ZDHHC14: variants seen among roughly 807,000 people sequenced by gnomAD.
The protein encoded by ZDHHC14 is palmitoyltransferase ZDHHC14.
Under a neutral mutation model 47.7 loss-of-function variants are expected in ZDHHC14, and 16 were observed. The ratio of observed to expected loss-of-function variants is 0.34; its 90% CI spans 0.23 to 0.51. The LOEUF (loss-of-function observed/expected upper bound fraction) is 0.51, where lower values mean the gene tolerates loss of function less well. Among genes scored for constraint, ZDHHC14 ranks in the 20% least tolerant of loss-of-function variants. The probability of loss-of-function intolerance (pLI) is 0.97; values close to 1 mark genes in which losing one functional copy is unlikely to be tolerated. For missense variants in ZDHHC14, 515 were observed against 662.5 expected (o/e 0.78, Z 2.44); for synonymous variants, 293 against 278.9 (o/e 1.05, Z -0.50).
chr6:157,509,553 C>T (rs1446411802), intron 1 of ZDHHC14, among the ~76,000 whole-genome samples: 2 of 152,158 alleles, frequency 1.3e-5, no homozygotes, highest in African/African-American at 2.4e-5. Flanking sequence ...TCACACCTGG[C>T]AGTGTGTCTC....
intron 1 of ZDHHC14, among the ~76,000 whole-genome samples, chr6:157,445,628 T>C (rs370925760): frequency 6.6e-6 from 1 of 152,196 alleles, no homozygotes; most frequent in Non-Finnish European, 1.5e-5. Flanking sequence ...AGAAATTATC[T>C]GGGAAATCTG....
At chr6:157,515,391 T>TG (rs1356273636) in intron 1 of ZDHHC14, among the ~76,000 whole-genome samples, 1 of 152,056 alleles carries the variant, frequency 6.6e-6, no homozygotes, top group Non-Finnish European at 1.5e-5. Flanking sequence ...CCTTCTTTTC[T>TG]GGGCTGATGC....
chr6:157,593,182 G>A (rs754676379), intron 3 of ZDHHC14, 36 bp downstream of exon 3: 9 of 1,582,106 alleles, frequency 5.7e-6, no homozygotes, highest in South Asian at 2.4e-5. Context: ...GCGGGAGCCC[G>A]GGTCCTCCGG....
chr6:157,648,906 C>T (rs756196872), intron 7 of ZDHHC14, among the ~76,000 whole-genome samples: 2 of 152,220 alleles, frequency 1.3e-5, no homozygotes, highest in East Asian at 1.9e-4. Flanking sequence ...ACCTGCAGTG[C>T]GTGTGTGGGT....
chr6:157,421,492 CAAAAAAAA>C (rs147380621), intron 1 of ZDHHC14, among the ~76,000 whole-genome samples: 3 of 56,716 alleles, frequency 5.3e-5, no homozygotes, highest in East Asian at 6.6e-4. Context: ...GACTCCGTCT[CAAAAAAAA>C]AAAAAAAAAA....
chr6:157,529,937 T>A (rs1781304729), intron 1 of ZDHHC14, among the ~76,000 whole-genome samples: 1 of 152,204 alleles, frequency 6.6e-6, no homozygotes, highest in Admixed American at 6.5e-5. Context: ...ATCAGTCAAA[T>A]TAATGAACCT....
Position 157,606,205 on chromosome 6 carries a change from C to G in ZDHHC14, c.565+13059C>G, listed in dbSNP as rs532189656. ...AGAGTCTGGAAGCGGTGGCTCATGC[C>G]TGTAATCCAAGCACTTTGGGAGGCC... On this transcript the variant is annotated intron_variant, in intron 3 of 8. Transcript: ENST00000359775. Among the ~76,000 whole-genome samples the G allele has an allele frequency of 3.3e-5, 5 of 152,304 alleles. No homozygotes were observed. In the East Asian group the frequency reaches 7.7e-4, roughly 24 times the overall value.
intron 8 of ZDHHC14, among the ~76,000 whole-genome samples, chr6:157,662,834 C>T (rs911616367): frequency 6.6e-6 from 1 of 152,162 alleles, no homozygotes; most frequent in African/African-American, 2.4e-5. Flanking sequence ...ATTTTAAGAC[C>T]TGGAAAAAAA....
intron 1 of ZDHHC14, among the ~76,000 whole-genome samples, chr6:157,517,460 C>A (rs189721145): frequency 1.4e-4 from 21 of 152,172 alleles, no homozygotes; most frequent in African/African-American, 4.1e-4. Flanking sequence ...ACAGGTGCTG[C>A]TATCACACCT....
intron 1 of ZDHHC14, among the ~76,000 whole-genome samples, chr6:157,415,704 G>A (rs910194719): frequency 7.2e-5 from 11 of 152,016 alleles, no homozygotes; most frequent in South Asian, 2.1e-4. Flanking sequence ...GTGAAACCCC[G>A]TCTCTACTAA....
intron 8 of ZDHHC14, among the ~76,000 whole-genome samples, chr6:157,659,456 A>T (rs958022384): frequency 6.6e-6 from 1 of 152,242 alleles, no homozygotes; most frequent in Non-Finnish European, 1.5e-5. Flanking sequence ...TTGTCAAAAC[A>T]CGGACAAATG....
chr6:157,531,024 T>C (rs1484175307), intron 1 of ZDHHC14, among the ~76,000 whole-genome samples: 11 of 152,020 alleles, frequency 7.2e-5, no homozygotes, highest in Non-Finnish European at 1.6e-4. Flanking sequence ...GAGAGATCGT[T>C]AGCTCAGAGG....
intron 1 of ZDHHC14, among the ~76,000 whole-genome samples, chr6:157,430,299 A>G (rs897565433): frequency 8.2e-5 from 12 of 145,642 alleles, no homozygotes; most frequent in Non-Finnish European, 1.5e-4. Context: ...CTGGTGACAA[A>G]GCAAGACTGT....
chr6:157,511,378 G>A (rs1049584975), intron 1 of ZDHHC14, among the ~76,000 whole-genome samples: 28 of 134,102 alleles, frequency 2.1e-4, no homozygotes, highest in Non-Finnish European at 4.3e-4. Context: ...GAGAGTGCAT[G>A]AGGAAACTTT....
chr6:157,490,794 G>C (rs1331306701), intron 1 of ZDHHC14, among the ~76,000 whole-genome samples: 2 of 152,196 alleles, frequency 1.3e-5, no homozygotes, highest in Non-Finnish European at 2.9e-5. Flanking sequence ...CAGATCTCAG[G>C]GCAGTAGTGA....
chr6:157,661,300 G>T (rs776740156), intron 8 of ZDHHC14, among the ~76,000 whole-genome samples: 2 of 152,168 alleles, frequency 1.3e-5, no homozygotes. Flanking sequence ...CAGTGGAGAC[G>T]TGAATCTGTT....
chr6:157,640,519 TCCTGAGAGGGA>T (rs1215642475), intron 5 of ZDHHC14, among the ~76,000 whole-genome samples: 3 of 152,184 alleles, frequency 2.0e-5, no homozygotes, highest in Non-Finnish European at 1.5e-5. Context: ...TACCTGCTGA[TCCTGAGAGGGA>T]CCCCAGAAAG....
chr6:157,519,743 C>T (rs541089226), intron 1 of ZDHHC14, among the ~76,000 whole-genome samples: 52 of 152,288 alleles, frequency 3.4e-4, no homozygotes, highest in African/African-American at 1.1e-3. Flanking sequence ...AAGGATTCAT[C>T]GTTTTTTTGT....
intron 3 of ZDHHC14, among the ~76,000 whole-genome samples, chr6:157,606,746 T>C (rs1220479567): frequency 1.3e-5 from 2 of 152,244 alleles, no homozygotes; most frequent in Non-Finnish European, 2.9e-5. Context: ...AGAACTTTGC[T>C]TCTAGGGTTT....
Sources: gnomAD v4.1 joint callset for allele counts (sites outside exome capture counted in the v4.1 genomes callset) on GRCh38, gnomAD v4.1.1 for gene constraint, MANE v1.5 for transcripts, NCBI Gene and HGNC (gene_info 2026-07-23, HGNC 2026-07-21) for gene names.